CNTNAP2: variants seen among roughly 807,000 people sequenced by gnomAD.
CNTNAP2 encodes the protein contactin-associated protein-like 2.
In CNTNAP2, 98 loss-of-function variants were observed where a neutral mutation model predicts 155.2. The observed-to-expected ratio is 0.63, with a 90% CI of 0.54 to 0.75. CNTNAP2 has a LOEUF of 0.75. CNTNAP2 is among the 30% of genes least tolerant of loss of function. CNTNAP2 has a pLI of 0.00. For synonymous variants in CNTNAP2, 651 were observed against 631.2 expected, an observed-to-expected ratio of 1.03 and a Z score of -0.47; for missense variants, 1,727 against 1,688.1, an observed-to-expected ratio of 1.02 and a Z score of -0.40.
At chr7:148,199,828 G>A (rs1292845486) in intron 18 of CNTNAP2, among the ~76,000 whole-genome samples, 1 of 152,300 alleles carries the variant, frequency 6.6e-6, no homozygotes, top group Non-Finnish European at 1.5e-5. Flanking sequence ...TAGAGGCCAA[G>A]AAGTCCCATC....
intron 1 of CNTNAP2, among the ~76,000 whole-genome samples, chr7:146,681,864 C>T (rs1800510623): frequency 6.6e-6 from 1 of 152,124 alleles, no homozygotes; most frequent in African/African-American, 2.4e-5. Flanking sequence ...ATGCTTTCTA[C>T]TCCCTTCCCC....
intron 15 of CNTNAP2, among the ~76,000 whole-genome samples, chr7:147,995,915 T>C (rs1801797029): frequency 6.6e-6 from 1 of 152,128 alleles, no homozygotes; most frequent in African/African-American, 2.4e-5. Flanking sequence ...CTGCATCCAT[T>C]CCCCGGGCAG....
At chr7:147,131,287 G>C (rs1324055152) in intron 7 of CNTNAP2, among the ~76,000 whole-genome samples, 4 of 150,710 alleles carry the variant, frequency 2.7e-5, no homozygotes, top group East Asian at 2.0e-4. Flanking sequence ...AAAATATATA[G>C]AGAAAAAGAG....
At chr7:146,856,285 GATAGATAGATAGATACATACATACATAC>G (rs1352351750) in intron 3 of CNTNAP2, among the ~76,000 whole-genome samples, 16 of 78,210 alleles carry the variant, frequency 2.0e-4, no homozygotes, top group African/African-American at 6.9e-4. Context: ...TAGATAGATA[GATAGATAGATAGATACATACATACATAC>G]ATACATACAT....
At chr7:147,904,058 G>C (rs56335186) in intron 14 of CNTNAP2, among the ~76,000 whole-genome samples, 35,225 of 152,144 alleles carry the variant, frequency 0.23, 4,733 homozygotes, top group Middle Eastern at 0.38. Context: ...CGGGAAGCCA[G>C]TGTGCATGAG....
At chr7:148,157,775 A>T (rs1805432469) in intron 17 of CNTNAP2, among the ~76,000 whole-genome samples, 1 of 152,128 alleles carries the variant, frequency 6.6e-6, no homozygotes, top group Non-Finnish European at 1.5e-5. Flanking sequence ...TCTCTCTGGG[A>T]TAGAAATAGG....
At chr7:148,210,829 A>G (rs188628902) in intron 18 of CNTNAP2, among the ~76,000 whole-genome samples, 1 of 152,374 alleles carries the variant, frequency 6.6e-6, no homozygotes, top group Non-Finnish European at 1.5e-5. Context: ...TGAAGAAAAC[A>G]TCAAACAAAC....
rs190115122 is a variant in CNTNAP2, at chr7:146,621,561, A to T, written c.98-152710A>T. On this transcript the variant is annotated intron_variant, in intron 1 of 23. Transcript: ENST00000361727. ...TAGTCAGGTATTTTGCAGAATGTTC[A>T]TCAACTGGGATTGACCTAATGTTTT... is the stretch of plus-strand genomic sequence containing the variant. Among the ~76,000 whole-genome samples the T allele has an allele frequency of 8.7e-4, 133 of 152,288 alleles. 1 individual carries two copies. Among genetic ancestry groups the T allele is most frequent in the African/African-American group, 3.0e-3 (124 of 41,572 alleles).
At position 148,219,552 on chromosome 7, in the gene CNTNAP2, C is replaced by A. The variant is rs565891655; in HGVS notation, c.3247+2028C>A. On this transcript the variant is annotated intron_variant, in intron 19 of 23. Transcript: ENST00000361727. ...CTACCAAAAATAATTTAAAAATTAA[C>A]TGGGCATGAAGGTGCACACTTGTGG... Among the ~76,000 whole-genome samples the A allele has an allele frequency of 1.2e-4, 18 of 152,284 alleles. No individual in the cohort carries two copies. In the South Asian group the frequency reaches 3.7e-3, roughly 32 times the overall value.
At chr7:147,265,869 G>A (rs1206984961) in intron 8 of CNTNAP2, among the ~76,000 whole-genome samples, 5 of 152,146 alleles carry the variant, frequency 3.3e-5, no homozygotes, top group Non-Finnish European at 5.9e-5. Context: ...CAGGTGAATA[G>A]TCTGAAGTGA....
chr7:148,229,736 A>G lies in CNTNAP2; in HGVS notation c.3338A>G (p.His1113Arg). ...AGGAACATGGCCAATGGACAGCCCC[A>G]CAGTGTCAACATCACCCGCCACGAG... ...DHRNMANGQP[H>R]SVNITRHEKT... The change falls in exon 20 of 24, where the codon CAC (histidine) becomes CGC (arginine). Residue 1113 changes from histidine (H) to arginine (R), a missense_variant. His to Arg is a conservative substitution (Grantham distance 29, BLOSUM62 0). Transcript: ENST00000361727. 6.2e-7 allele frequency: 1 copy of G among 1,614,136 alleles called. No homozygotes were observed. Among genetic ancestry groups the G allele is most frequent in the Non-Finnish European group, 8.5e-7 (1 of 1,180,010 alleles).
At chr7:146,157,631 T>G (rs1257915332) in intron 1 of CNTNAP2, among the ~76,000 whole-genome samples, 1 of 152,104 alleles carries the variant, frequency 6.6e-6, no homozygotes, top group Non-Finnish European at 1.5e-5. Context: ...AGAGCCTCAC[T>G]CACTGCTAGC....
intron 1 of CNTNAP2, among the ~76,000 whole-genome samples, chr7:146,591,780 T>C (rs1798787599): frequency 6.6e-6 from 1 of 152,218 alleles, no homozygotes; most frequent in Non-Finnish European, 1.5e-5. Context: ...GCATCACCTA[T>C]CATAAAATGC....
At chr7:146,840,943 T>G (rs1468790366) in intron 3 of CNTNAP2, among the ~76,000 whole-genome samples, 1 of 152,200 alleles carries the variant, frequency 6.6e-6, no homozygotes, top group Non-Finnish European at 1.5e-5. Flanking sequence ...AGAATATTTG[T>G]GTATTAGGAT....
chr7:146,242,236 G>T (rs1799573656), intron 1 of CNTNAP2, among the ~76,000 whole-genome samples: 2 of 151,866 alleles, frequency 1.3e-5, no homozygotes, highest in South Asian at 4.2e-4. Context: ...CAGGGCAGAA[G>T]AAAATGAGAA....
intron 6 of CNTNAP2, among the ~76,000 whole-genome samples, chr7:147,124,902 G>A (rs1389507104): frequency 2.2e-5 from 2 of 91,440 alleles, no homozygotes; most frequent in South Asian, 3.9e-4. Flanking sequence ...TTTTTTTTGA[G>A]ATGAAGTCTT....
intron 1 of CNTNAP2, among the ~76,000 whole-genome samples, chr7:146,648,269 A>G (rs1198421657): frequency 6.6e-6 from 1 of 152,098 alleles, no homozygotes; most frequent in African/African-American, 2.4e-5. Flanking sequence ...TTACATTTCT[A>G]TTTTCCAAGC....
chr7:148,328,674 G>GTT (rs1797933853), intron 21 of CNTNAP2, among the ~76,000 whole-genome samples: 1 of 152,042 alleles, frequency 6.6e-6, no homozygotes, highest in South Asian at 2.1e-4. Context: ...ATTCTCCCTA[G>GTT]AAAGACCCAA....
intron 8 of CNTNAP2, among the ~76,000 whole-genome samples, chr7:147,212,564 G>A (rs1803172831): frequency 6.6e-6 from 1 of 152,074 alleles, no homozygotes; most frequent in Non-Finnish European, 1.5e-5. Context: ...GATGGCAACA[G>A]TAGACACTGG....
Sources: allele counts gnomAD v4.1 joint callset (sites outside exome capture counted in the v4.1 genomes callset), GRCh38; gene constraint gnomAD v4.1.1; transcripts MANE v1.5; gene names NCBI Gene and HGNC (gene_info 2026-07-23, HGNC 2026-07-21).